ZSCAN4: variants seen among roughly 807,000 people sequenced by gnomAD.
ZSCAN4 encodes zinc finger and SCAN domain containing 4.
ZSCAN4 carries 18 observed loss-of-function variants against 18.3 expected under a neutral mutation model. The observed-to-expected ratio is 0.98, with a 90% confidence interval of 0.68 to 1.46. ZSCAN4 has a LOEUF of 1.46. Ranked by LOEUF, ZSCAN4 falls within the 40% of genes most tolerant of loss-of-function variation. ZSCAN4 has a pLI of 0.00. For synonymous variants in ZSCAN4, 193 were observed against 180.3 expected (o/e 1.07, Z -0.57); for missense variants, 498 against 511.4 (o/e 0.97, Z 0.25).
At chr19:57,663,295 A>G in the ZSCAN4 span, among the ~76,000 whole-genome samples, 946 of 152,042 alleles carry the variant, frequency 6.2e-3, 30 homozygotes, top group Admixed American at 0.05. Flanking sequence ...ATACTATTTT[A>G]TTACTAGGTA....
Position 57,678,257 on chromosome 19 carries a change from C to G in ZSCAN4, c.654C>G (p.Ser218=). Residue 218 remains serine, a synonymous_variant, in exon 5 of 5, where the codon TCC becomes TCG. Coordinates refer to ENST00000318203, the Ensembl canonical transcript of ZSCAN4. ...CTAATCAAGGCAATCAAATAGTTTC[C>G]CTAATCATCATCCAGGAAGAGAACG... 1.9e-6 allele frequency: 3 copies of G among 1,614,096 alleles called. No individual in the cohort carries two copies. The South Asian group carries it at 3.3e-5, about 18-fold the overall frequency.
At chr19:57,669,677 G>C (rs1390066823) in intron 1 of ZSCAN4, among the ~76,000 whole-genome samples, 1 of 150,920 alleles carries the variant, frequency 6.6e-6, no homozygotes, top group Non-Finnish European at 1.5e-5. Flanking sequence ...CGCCCACCTC[G>C]GCCTCCAAAA....
At chr19:57,661,282 C>T in the ZSCAN4 span, among the ~76,000 whole-genome samples, 24,979 of 152,192 alleles carry the variant, frequency 0.16, 2,110 homozygotes, top group East Asian at 0.27. Context: ...ACACTGTCTA[C>T]AAGTGGTGAG....
At chr19:57,667,030 T>C (rs73064580), upstream of ZSCAN4, among the ~76,000 whole-genome samples, 25,586 of 152,084 alleles carry the variant, frequency 0.17, 2,231 homozygotes, top group East Asian at 0.26. Context: ...AGACACAAGT[T>C]GAGATGATGC....
At chr19:57,655,874 A>G in the ZSCAN4 span, among the ~76,000 whole-genome samples, 21 of 152,190 alleles carry the variant, frequency 1.4e-4, no homozygotes, top group Non-Finnish European at 2.6e-4. Flanking sequence ...TTAAAGAGCC[A>G]TGTCTTGCAG....
At chr19:57,666,477 C>A (rs1235803309), upstream of ZSCAN4, among the ~76,000 whole-genome samples, 1 of 151,832 alleles carries the variant, frequency 6.6e-6, no homozygotes, top group Non-Finnish European at 1.5e-5. Flanking sequence ...ACATTTAGAA[C>A]CGGATGAATG....
At chr19:57,672,058 A>C (rs903439129) in intron 2 of ZSCAN4, among the ~76,000 whole-genome samples, 8 of 152,184 alleles carry the variant, frequency 5.3e-5, no homozygotes, top group Non-Finnish European at 1.2e-4. Flanking sequence ...TAAATTCTTT[A>C]TCCATTCAGG....
At chr19:57,653,725 C>G in the ZSCAN4 span, among the ~76,000 whole-genome samples, 2 of 152,332 alleles carry the variant, frequency 1.3e-5, no homozygotes, top group Non-Finnish European at 2.9e-5. Context: ...ATACAAAAAT[C>G]CTCAACCTCA....
At chr19:57,662,545 A>G in the ZSCAN4 span, among the ~76,000 whole-genome samples, 2 of 151,824 alleles carry the variant, frequency 1.3e-5, no homozygotes, top group South Asian at 4.2e-4. Flanking sequence ...TACCGCTGAG[A>G]GATTTGGTTT....
At chr19:57,679,114 A>G (rs1484744190) in exon 5 of ZSCAN4, 2 of 403,042 alleles carry the variant, frequency 5.0e-6, no homozygotes, top group Non-Finnish European at 8.4e-6. Context: ...AACATTTCCA[A>G]GAACCAATAA....
chr19:57,670,939 C>A (rs1240029752), intron 2 of ZSCAN4, among the ~76,000 whole-genome samples: 1 of 151,826 alleles, frequency 6.6e-6, no homozygotes, highest in Non-Finnish European at 1.5e-5. Flanking sequence ...CAGCTCACTG[C>A]AGCTTCAGCC....
At chr19:57,658,026 T>C in the ZSCAN4 span, among the ~76,000 whole-genome samples, 1 of 152,204 alleles carries the variant, frequency 6.6e-6, no homozygotes, top group Non-Finnish European at 1.5e-5. Context: ...GCAGAACCCA[T>C]GGATATAGAA....
chr19:57,678,975 G>T (rs1984281540), exon 5 of ZSCAN4: 1 of 1,446,754 alleles, frequency 6.9e-7, no homozygotes, highest in African/African-American at 1.4e-5. Context: ...TATCTACTTA[G>T]GATATAAGAT....
chr19:57,678,011 C>T (rs371608140), exon 4 of ZSCAN4: 1 of 1,603,146 alleles, frequency 6.2e-7, no homozygotes, highest in Non-Finnish European at 8.5e-7. Context: ...AATGCCCAAA[C>T]CACAAGAGAA....
At chr19:57,676,685 A>G in intron 3 of ZSCAN4, 144 bp downstream of exon 3, 1 of 993,628 alleles carries the variant, frequency 1.0e-6, no homozygotes, top group Non-Finnish European at 1.4e-6. Flanking sequence ...ATTCTCACAA[A>G]GAATAATCTT....
upstream of ZSCAN4, chr19:57,668,840 G>A (rs1983928291): frequency 6.6e-6 from 1 of 152,040 alleles, no homozygotes; most frequent in Admixed American, 6.6e-5. Context: ...TCTTTTTGAT[G>A]GATTAGGAAT....
At chr19:57,674,192 A>G (rs1349161061) in intron 2 of ZSCAN4, among the ~76,000 whole-genome samples, 2 of 152,180 alleles carry the variant, frequency 1.3e-5, no homozygotes, top group Non-Finnish European at 2.9e-5. Flanking sequence ...TTTATTTTAG[A>G]TTCAGGGAGT....
At chr19:57,660,670 A>G in the ZSCAN4 span, among the ~76,000 whole-genome samples, 1 of 152,190 alleles carries the variant, frequency 6.6e-6, no homozygotes, top group African/African-American at 2.4e-5. Context: ...TTATATTTCT[A>G]AAAGTGTCTT....
intron 3 of ZSCAN4, among the ~76,000 whole-genome samples, chr19:57,677,393 C>A (rs769117466): frequency 6.7e-6 from 1 of 150,326 alleles, no homozygotes; most frequent in Non-Finnish European, 1.5e-5. Context: ...AAATAAGTGT[C>A]CTTTTCACAG....
Sources: gnomAD v4.1 joint callset for allele counts (sites outside exome capture counted in the v4.1 genomes callset) on GRCh38, gnomAD v4.1.1 for gene constraint, MANE v1.5 for transcripts, NCBI Gene and HGNC (gene_info 2026-07-23, HGNC 2026-07-21) for gene names.